APPL1: variants seen among roughly 807,000 people sequenced by gnomAD.
APPL1 encodes adaptor protein, phosphotyrosine interacting with PH domain and leucine zipper 1.
Under a neutral mutation model 106.8 loss-of-function variants are expected in APPL1, and 42 were observed. The observed-to-expected ratio is 0.39, with a 90% CI of 0.31 to 0.51. The LOEUF (loss-of-function observed/expected upper bound fraction) is 0.51. Ranked by LOEUF, APPL1 falls within the 20% of genes least tolerant of loss-of-function variation. The pLI is 0.75. For missense variants in APPL1, 769 were observed against 858.2 expected, an observed-to-expected ratio of 0.90 and a Z score of 1.30; for synonymous variants, 263 against 281.8, an observed-to-expected ratio of 0.93 and a Z score of 0.67.
intron 4 of APPL1, 42 bp downstream of exon 4, chr3:57,238,158 A>G (rs913339587): frequency 1.4e-6 from 2 of 1,446,124 alleles, no homozygotes; most frequent in Non-Finnish European, 1.9e-6. Flanking sequence ...TGGTCTTATA[A>G]TTGAGTTACC....
At chr3:57,242,212 A>T in intron 6 of APPL1, 70 bp downstream of exon 6, 1 of 1,185,912 alleles carries the variant, frequency 8.4e-7, no homozygotes, top group East Asian at 2.5e-5. Context: ...ATCTGTGGCC[A>T]GATTCTTTGT....
intron 5 of APPL1, among the ~76,000 whole-genome samples, chr3:57,241,586 G>C (rs1203453294): frequency 6.6e-6 from 1 of 152,096 alleles, no homozygotes; most frequent in East Asian, 1.9e-4. Context: ...ACTGCAACCC[G>C]TGCCACCTTT....
At chr3:57,267,695 T>G in intron 19 of APPL1, 47 bp from the exon 20 acceptor site, 1 of 1,561,890 alleles carries the variant, frequency 6.4e-7, no homozygotes, top group Non-Finnish European at 8.8e-7. Context: ...ACATTTTTGC[T>G]TTGTTGTGAG....
chr3:57,256,869 G>A, intron 13 of APPL1, 88 bp from the exon 14 acceptor site: 2 of 1,016,114 alleles, frequency 2.0e-6, no homozygotes, highest in Non-Finnish European at 3.1e-6. Context: ...GTGTAACTCA[G>A]AAGCATTCTA....
intron 1 of APPL1, among the ~76,000 whole-genome samples, chr3:57,232,213 G>T (rs1442488158): frequency 6.6e-6 from 1 of 152,176 alleles, no homozygotes; most frequent in African/African-American, 2.4e-5. Context: ...ATCTATGATA[G>T]AACAGTGAAG....
In APPL1 at chr3:57,246,092, CAG is replaced by C. The variant is rs1363109027; in HGVS notation, c.493_494del (p.Glu165ArgfsTer47). On this transcript the variant is annotated frameshift_variant, in exon 8 of 22. Coordinates refer to ENST00000288266, the MANE Select transcript of APPL1 (RefSeq NM_012096.3). LOFTEE classifies it high-confidence loss of function. ...CATTCAAAGGTGAAGTATGAAGTAA[CAG>C]AAGATGTGTACACATCCAGAAAGAA... The C allele has an allele frequency of 6.3e-7, 1 of 1,591,910 alleles. No homozygotes were observed.
intron 19 of APPL1, among the ~76,000 whole-genome samples, chr3:57,262,385 C>CTTTTTTT (rs373526618): frequency 0.011 from 328 of 29,060 alleles, 82 homozygotes; most frequent in Admixed American, 0.017. Flanking sequence ...GGAAAATAAC[C>CTTTTTTT]TTTTTTTTTT....
chr3:57,257,897 A>AAATTTTTCAC (rs2060845815), intron 15 of APPL1, among the ~76,000 whole-genome samples: 3 of 152,224 alleles, frequency 2.0e-5, no homozygotes, highest in Non-Finnish European at 4.4e-5. Context: ...ATTCTCACCA[A>AAATTTTTCAC]AGCAGTTAAA....
In APPL1 at chr3:57,238,088, T is replaced by C; in HGVS notation, c.257T>C (p.Leu86Ser). 1 of 1,611,730 alleles carries C rather than the reference T, an allele frequency of 6.2e-7. No individual in the cohort carries two copies. The highest frequency in any genetic ancestry group is 8.5e-7 in the Non-Finnish European group (1 of 1,179,246). Residue 86 changes from leucine (L) to serine (S), a missense_variant, in exon 4 of 22, where the codon TTG (leucine) becomes TCG (serine). Coordinates refer to ENST00000288266, the MANE Select transcript of APPL1 (RefSeq NM_012096.3). ...GGDDEVMSSTLQQFSKVIDEL... is the reference protein window; with the variant it reads ...GGDDEVMSSTSQQFSKVIDEL... ...GATGATGAAGTTATGAGCTCTACATTGCAACAGTTTTCAAAAGTTATAGAT... is the reference window on the plus strand; with the variant it reads ...GATGATGAAGTTATGAGCTCTACATCGCAACAGTTTTCAAAAGTTATAGAT...
chr3:57,260,812 T>G, intron 19 of APPL1, 38 bp downstream of exon 19: 2 of 1,502,726 alleles, frequency 1.3e-6, no homozygotes, highest in Non-Finnish European at 1.8e-6. Flanking sequence ...CATAACCACT[T>G]ACTAATTGAT....
At position 57,237,482 on chromosome 3, in the gene APPL1, T is replaced by G. The variant is rs1458863414; in HGVS notation, c.154-10T>G. ...CCAGTAATATGCTAATTTGAATGCTTTTTCCATAGAATGAATTAAGTGCAG... is the reference window on the plus strand; with the variant it reads ...CCAGTAATATGCTAATTTGAATGCTGTTTCCATAGAATGAATTAAGTGCAG... On this transcript the variant is annotated splice_polypyrimidine_tract_variant and intron_variant, in intron 2 of 21. Transcript: ENST00000288266. The G allele has an allele frequency of 2.5e-6, 4 of 1,593,034 alleles. No homozygotes were observed. The highest frequency in any genetic ancestry group is 8.5e-7 in the Non-Finnish European group (1 of 1,171,302).
chr3:57,245,971 A>G (rs1000734620), intron 7 of APPL1, 105 bp from the exon 8 acceptor site: 9 of 747,710 alleles, frequency 1.2e-5, no homozygotes, highest in Non-Finnish European at 1.8e-5. Flanking sequence ...GTGATACTCA[A>G]TTCCTTGGGT....
Position 57,257,266 on chromosome 3 carries a change from C to T in APPL1, c.1268C>T (p.Ala423Val). Residue 423 changes from alanine (A) to valine (V), a missense_variant, in exon 15 of 22, where the codon GCT becomes GTT. Transcript: ENST00000288266. ...PAAGQSRPPTARTSSSGSLGS... is the reference protein window; with the variant it reads ...PAAGQSRPPTVRTSSSGSLGS... ...CTTAGACAATCTCGGCCACCGACAG[C>T]TCGAACCAGCAGTTCAGGATCCTTA... 5.0e-6 allele frequency: 8 copies of T among 1,613,344 alleles called. No homozygotes were observed. Among genetic ancestry groups the T allele is most frequent in the Non-Finnish European group, 6.8e-6 (8 of 1,179,766 alleles).
At chr3:57,257,472 G>T (rs745333965) in intron 15 of APPL1, 44 bp downstream of exon 15, 14 of 1,472,936 alleles carry the variant, frequency 9.5e-6, no homozygotes, top group South Asian at 2.9e-5. Flanking sequence ...GGTCTGTAAG[G>T]CTTATAATCC....
rs1483337609 is a variant in APPL1 at position 57,271,615 on chromosome 3, A to G, written c.*1928A>G. The stretch of plus-strand genomic sequence containing the variant: ...GATGAAATCTGTTACTCTACAAGGA[A>G]GGTGTTCATCATTAGGAGGCAGCTT... On this transcript the variant is annotated 3_prime_UTR_variant, in exon 22 of 22. Transcript: ENST00000288266. 1 of 152,186 alleles carries G rather than the reference A, an allele frequency of 6.6e-6. No homozygotes were observed. The highest frequency in any genetic ancestry group is 1.9e-4 in the East Asian group (1 of 5,192). 9.4% of individuals were successfully genotyped at this position (152,186 alleles called of 1,614,324 possible).
intron 19 of APPL1, among the ~76,000 whole-genome samples, chr3:57,265,655 G>T (rs569333528): frequency 6.6e-6 from 1 of 151,874 alleles, no homozygotes; most frequent in Non-Finnish European, 1.5e-5. Context: ...TTTTGGTGGA[G>T]TCTAGGTTTT....
chr3:57,229,468 A>G (rs541551766), intron 1 of APPL1, among the ~76,000 whole-genome samples: 1 of 152,070 alleles, frequency 6.6e-6, no homozygotes, highest in South Asian at 2.1e-4. Flanking sequence ...ACAACTTAAG[A>G]ATTGTGGTTT....
In APPL1 at chr3:57,247,456, A is replaced by G; in HGVS notation, c.683A>G (p.Asn228Ser). The G allele has an allele frequency of 6.2e-7, 1 of 1,608,518 alleles. No homozygotes were observed. Among genetic ancestry groups the G allele is most frequent in the Non-Finnish European group, 8.5e-7 (1 of 1,175,694 alleles). Residue 228 changes from asparagine to serine, a missense_variant, in exon 9 of 22, where the codon AAT becomes AGT. Coordinates refer to ENST00000288266, the MANE Select transcript of APPL1 (RefSeq NM_012096.3). ...GAACAACTGGAAGAATTTTTAGCTA[A>G]TATTGGAACAAGCGTTCAGAAGTAA... ...LNEQLEEFLANIGTSVQNVRR... is the reference protein window; with the variant it reads ...LNEQLEEFLASIGTSVQNVRR...
chr3:57,245,252 A>G (rs946255397), intron 7 of APPL1, among the ~76,000 whole-genome samples: 2 of 152,192 alleles, frequency 1.3e-5, no homozygotes, highest in Non-Finnish European at 2.9e-5. Flanking sequence ...CCTAATGCCT[A>G]TTACATAATA....
Sources: gnomAD v4.1 joint callset for allele counts (sites outside exome capture counted in the v4.1 genomes callset) on GRCh38, gnomAD v4.1.1 for gene constraint, MANE v1.5 for transcripts, NCBI Gene and HGNC (gene_info 2026-07-23, HGNC 2026-07-21) for gene names.